Variants in CYSLTR1 observed in about 807,000 individuals in gnomAD.
CYSLTR1 encodes cysteinyl leukotriene receptor 1, also known as G-protein coupled receptor HG55.
In CYSLTR1, 1 loss-of-function variant was observed where a neutral mutation model predicts 2.1. The observed-to-expected ratio is 0.48, with a 90% CI of 0.17 to 2.28. The LOEUF is 2.28. Ranked by LOEUF, CYSLTR1 falls within the 30% of genes most tolerant of loss-of-function variation. The pLI is 0.26. For synonymous variants in CYSLTR1, 110 were observed against 89.6 expected (o/e 1.23, Z -1.28); for missense variants, 299 against 250.1 (o/e 1.20, Z -1.32).
chrX:78,291,956 T>G (rs983344160), intron 1 of CYSLTR1, among the ~76,000 whole-genome samples: 4 of 110,896 alleles, frequency 3.6e-5, no homozygotes, highest in African/African-American at 1.3e-4. Flanking sequence ...AGTTTTTTTG[T>G]GTCTCTATCT....
At chrX:78,315,369 A>G (rs1923377619) in intron 1 of CYSLTR1, among the ~76,000 whole-genome samples, 1 of 111,350 alleles carries the variant, frequency 9.0e-6, no homozygotes, top group Non-Finnish European at 1.9e-5. Flanking sequence ...CTGCTTCGGA[A>G]GGGAGAGAAA....
At position 78,322,833 on chromosome X, in the gene CYSLTR1, C is replaced by T. The variant is rs746546562; in HGVS notation, c.-115+4472G>A. On this transcript the variant is annotated intron_variant, in intron 1 of 2. Transcript: ENST00000373304. ...GGTGTTTCTTCTGTAGTCTCTTATT[C>T]TCCTTAAGAGGAGAACGTCAAACCC... Among the ~76,000 whole-genome samples, 24 of 111,639 alleles carry T rather than the reference C, an allele frequency of 2.1e-4. No individual in the cohort carries two copies. The East Asian group carries it at 6.7e-3, about 31-fold the overall frequency.
intron 1 of CYSLTR1, among the ~76,000 whole-genome samples, chrX:78,325,631 T>A (rs1464972201): frequency 1.8e-5 from 2 of 111,488 alleles, no homozygotes. Flanking sequence ...TTGAAATCCA[T>A]GCAGCAAGAT....
At chrX:78,297,541 TA>T (rs756222511) in intron 1 of CYSLTR1, among the ~76,000 whole-genome samples, 2 of 111,627 alleles carry the variant, frequency 1.8e-5, no homozygotes, top group African/African-American at 6.5e-5. Flanking sequence ...AACTTTTTAT[TA>T]TAACTTCAAA....
intron 2 of CYSLTR1, among the ~76,000 whole-genome samples, chrX:78,280,533 G>GT (rs1229483037): frequency 1.6e-4 from 17 of 106,098 alleles, no homozygotes; most frequent in Non-Finnish European, 3.1e-4. Flanking sequence ...GTTGGGGGGG[G>GT]GGTAAGAATG....
chrX:78,306,277 C>T (rs906726399), intron 1 of CYSLTR1, among the ~76,000 whole-genome samples: 13 of 110,764 alleles, frequency 1.2e-4, no homozygotes, highest in African/African-American at 4.0e-4. Flanking sequence ...AATTCTTCTG[C>T]CTCAGCCTCC....
At chrX:78,323,983 AT>A (rs1254467985) in intron 1 of CYSLTR1, among the ~76,000 whole-genome samples, 1 of 111,584 alleles carries the variant, frequency 9.0e-6, no homozygotes, top group Non-Finnish European at 1.9e-5. Context: ...TTCCTAACTT[AT>A]CCCCCAAATT....
chrX:78,281,922 T>C (rs1007920391), intron 2 of CYSLTR1, among the ~76,000 whole-genome samples: 1 of 112,298 alleles, frequency 8.9e-6, no homozygotes, highest in Non-Finnish European at 1.9e-5. Flanking sequence ...TGATTTAGAA[T>C]GCCTTCAGAA....
At chrX:78,300,340 G>T (rs1469179807) in intron 1 of CYSLTR1, among the ~76,000 whole-genome samples, 1 of 112,497 alleles carries the variant, frequency 8.9e-6, no homozygotes, top group African/African-American at 3.2e-5. Context: ...CTCCTGGATG[G>T]TCTTGATACC....
At chrX:78,313,976 C>A (rs987536639) in intron 1 of CYSLTR1, among the ~76,000 whole-genome samples, 1 of 111,406 alleles carries the variant, frequency 9.0e-6, no homozygotes, top group Admixed American at 9.5e-5. Context: ...GTAGCATCAG[C>A]GAGCCAAGAG....
rs1921391025 is a variant in CYSLTR1 at position 78,273,283 on chromosome X, C to G, written c.464G>C (p.Ser155Thr). 3 of 1,207,640 alleles carry G rather than the reference C, an allele frequency of 2.5e-6. No homozygotes were observed. The highest frequency in any genetic ancestry group is 2.2e-5 in the Admixed American group (1 of 45,385). The change falls in exon 3 of 3, where the codon AGT becomes ACT. Residue 155 changes from serine (S) to threonine (T), a missense_variant. Ser to Thr is a moderately conservative substitution (Grantham distance 58). Transcript: ENST00000373304. ...VGIWIFVILTSSPFLMAKPQK... is the reference protein window; with the variant it reads ...VGIWIFVILTTSPFLMAKPQK... ...TGGTTTGGCCATTAGAAATGGAGAA[C>G]TGGTCAAAATCACAAAAATCCAAAT... is the stretch of plus-strand genomic sequence containing the variant.
chrX:78,285,396 T>TGGGCTACAGAGCG (rs1922023823), intron 1 of CYSLTR1, among the ~76,000 whole-genome samples: 1 of 89,174 alleles, frequency 1.1e-5, no homozygotes, highest in Admixed American at 1.5e-4. Context: ...CACTCCAGCC[T>TGGGCTACAGAGCG]GGGCTACAGA....
chrX:78,276,308 C>A (rs988426069), intron 2 of CYSLTR1, among the ~76,000 whole-genome samples: 1 of 111,505 alleles, frequency 9.0e-6, no homozygotes, highest in Non-Finnish European at 1.9e-5. Flanking sequence ...TTATTCTTTA[C>A]AAAGGTTGAA....
Position 78,273,001 on chromosome X carries a change from T to G in CYSLTR1, c.746A>C (p.Tyr249Ser). Reference sequence around the variant, plus strand: ...AAGGTGAATGGTACGTTGAATATGATATGGCATGAAACTGACTAAAAAGGC... The same window carrying G: ...AAGGTGAATGGTACGTTGAATATGAGATGGCATGAAACTGACTAAAAAGGC... ...TAAFLVSFMP[Y>S]HIQRTIHLHF... Residue 249 changes from tyrosine to serine, a missense_variant, in exon 3 of 3, where the codon TAT becomes TCT. Tyr to Ser is a moderately radical substitution (Grantham distance 144). Coordinates refer to ENST00000373304, the MANE Select transcript of CYSLTR1 (RefSeq NM_006639.4). The G allele has an allele frequency of 8.3e-7, 1 of 1,211,739 alleles. No individual in the cohort carries two copies. Among genetic ancestry groups the G allele is most frequent in the Non-Finnish European group, 1.1e-6 (1 of 895,455 alleles).
chrX:78,302,499 T>C (rs1922861840), intron 1 of CYSLTR1, among the ~76,000 whole-genome samples: 1 of 111,761 alleles, frequency 8.9e-6, no homozygotes, highest in Non-Finnish European at 1.9e-5. Context: ...TCTTGCCTCA[T>C]AGCCACCACA....
intron 1 of CYSLTR1, among the ~76,000 whole-genome samples, chrX:78,314,931 C>A (rs1161505390): frequency 2.8e-5 from 3 of 108,181 alleles, no homozygotes; most frequent in African/African-American, 1.0e-4. Context: ...ACAGAGACAC[C>A]AACCAGGCCA....
intron 1 of CYSLTR1, among the ~76,000 whole-genome samples, chrX:78,291,255 A>G (rs1479857901): frequency 9.0e-6 from 1 of 111,499 alleles, no homozygotes; most frequent in Non-Finnish European, 1.9e-5. Flanking sequence ...GTGATGGGTT[A>G]TGTTTATTGA....
intron 1 of CYSLTR1, among the ~76,000 whole-genome samples, chrX:78,323,804 C>A (rs1232573639): frequency 2.7e-5 from 3 of 111,612 alleles, no homozygotes; most frequent in African/African-American, 6.5e-5. Flanking sequence ...TCTTTTCTAT[C>A]AGTTCCACAT....
chrX:78,292,039 C>A (rs1922360096), intron 1 of CYSLTR1, among the ~76,000 whole-genome samples: 1 of 111,135 alleles, frequency 9.0e-6, no homozygotes. Flanking sequence ...GTTGCTTCTC[C>A]AGTTCTTTAA....
Sources: allele counts gnomAD v4.1 joint callset (sites outside exome capture counted in the v4.1 genomes callset), GRCh38; gene constraint gnomAD v4.1.1; transcripts MANE v1.5; gene names NCBI Gene and HGNC (gene_info 2026-07-23, HGNC 2026-07-21).